RCAN3: variants seen among roughly 807,000 people sequenced by gnomAD.
RCAN3 encodes calcipressin-3.
A neutral mutation model predicts 21.9 loss-of-function variants in RCAN3; 19 were observed. The observed-to-expected ratio is 0.87, with a 90% confidence interval of 0.61 to 1.27. The LOEUF is 1.27. RCAN3 is among the 50% of genes most tolerant of loss of function. The probability of loss-of-function intolerance (pLI) is 0.00; values close to 1 mark genes in which losing one functional copy is unlikely to be tolerated. For synonymous variants in RCAN3, 114 were observed against 112.3 expected, an observed-to-expected ratio of 1.01 and a Z score of -0.09; for missense variants, 240 against 300.1, an observed-to-expected ratio of 0.80 and a Z score of 1.48.
chr1:24,505,388 C>T lies in RCAN3; in HGVS notation c.-60+2238C>T, dbSNP rs1472709583. 2.0e-5 allele frequency among the ~76,000 whole-genome samples: 3 copies of T among 151,758 alleles called. No individual in the cohort carries two copies. The East Asian group carries it at 5.8e-4, about 29-fold the overall frequency. On this transcript the variant is annotated intron_variant, in intron 1 of 4. Coordinates refer to ENST00000374395, the MANE Select transcript of RCAN3 (RefSeq NM_013441.4). The stretch of plus-strand genomic sequence containing the variant: ...CTGAGTAGCTGGGACTACAGGCGTG[C>T]ACCATGTGTTTTTTTGTAGAGACGG...
intron 1 of RCAN3, among the ~76,000 whole-genome samples, chr1:24,504,300 C>A (rs1185485691): frequency 6.6e-6 from 1 of 152,204 alleles, no homozygotes; most frequent in African/African-American, 2.4e-5. Context: ...GATCCTCCCA[C>A]CTCTCAGCGT....
rs1160199892 is a variant in RCAN3, at chr1:24,539,073, T to TAC, written c.*3800_*3801dup. The TAC allele has an allele frequency of 4.6e-5, 7 of 152,300 alleles. No individual in the cohort carries two copies. Among genetic ancestry groups the TAC allele is most frequent in the South Asian group, 2.1e-4 (1 of 4,828 alleles). 9.4% of individuals were successfully genotyped at this position (152,300 alleles called of 1,614,324 possible). A position where few individuals can be genotyped will look rare whatever the true frequency, so the allele number is the denominator to read the frequency against. On this transcript the variant is annotated 3_prime_UTR_variant, in exon 5 of 5. Coordinates refer to ENST00000374395, the MANE Select transcript of RCAN3 (RefSeq NM_013441.4). Reference sequence around the variant, plus strand: ...GAAATCATATACTCTATCCCCATGTTACACAGATTAGAAAAACTGAGGTTA... The same window carrying TAC: ...GAAATCATATACTCTATCCCCATGTTACACACAGATTAGAAAAACTGAGGTTA...
intron 4 of RCAN3, 36 bp from the exon 5 acceptor site, chr1:24,535,057 A>G (rs371725897): frequency 1.3e-6 from 2 of 1,579,988 alleles, no homozygotes; most frequent in African/African-American, 1.4e-5. Flanking sequence ...GCTGGAAGTG[A>G]TGCTTTTGTC....
Position 24,502,943 on chromosome 1 carries a change from G to A in RCAN3, c.-267G>A, listed in dbSNP as rs1185314007. The stretch of plus-strand genomic sequence containing the variant: ...CGCTCTCGCCGGCGTCGAGGGCGTG[G>A]CGGCGAGGCTGCTGCTGCAGGCGGC... On this transcript the variant is annotated 5_prime_UTR_variant, in exon 1 of 5. Transcript: ENST00000374395. 3 of 149,892 alleles carry A rather than the reference G, an allele frequency of 2.0e-5. No homozygotes were observed. Among genetic ancestry groups the A allele is most frequent in the Non-Finnish European group, 4.5e-5 (3 of 67,146 alleles). The allele number at this position is 149,892 out of a possible 1,614,324, so 9.3% of individuals were successfully genotyped here. A position where few individuals can be genotyped will look rare whatever the true frequency, so the allele number is the denominator to read the frequency against.
rs758256189 is a variant in RCAN3 at position 24,531,183 on chromosome 1, C to A, written c.196-35C>A. On this transcript the variant is annotated intron_variant, in intron 2 of 4. Transcript: ENST00000374395. ...AAGGTTTTTCTTTTTTTTTTTTCCT[C>A]CCCTTCCCTTTGCCTTGCTGCTCCT... 12 of 1,365,982 alleles carry A rather than the reference C, an allele frequency of 8.8e-6. No homozygotes were observed. The South Asian group carries it at 1.1e-4, about 13-fold the overall frequency. The allele number at this position is 1,365,982 out of a possible 1,614,324, so 84.6% of individuals were successfully genotyped here.
In RCAN3 at chr1:24,502,840, C is replaced by G. The variant is rs11249126; in HGVS notation, c.-370C>G. ...CCGCCGTGCGCGCGCCCTGCCAGAA[C>G]AGGAGGGGACGAGGCGGGCGCGCGG... On this transcript the variant is annotated 5_prime_UTR_variant, in exon 1 of 5. Coordinates refer to ENST00000374395, the MANE Select transcript of RCAN3 (RefSeq NM_013441.4). 12 of 150,510 alleles carry G rather than the reference C, an allele frequency of 8.0e-5. No individual in the cohort carries two copies. The highest frequency in any genetic ancestry group is 2.9e-4 in the African/African-American group (12 of 41,204). The allele number at this position is 150,510 out of a possible 1,614,324, so 9.3% of individuals were successfully genotyped here.
rs1019233823 is a variant in RCAN3, at chr1:24,538,391, T to G, written c.*3114T>G. On this transcript the variant is annotated 3_prime_UTR_variant, in exon 5 of 5. Coordinates refer to ENST00000374395, the MANE Select transcript of RCAN3 (RefSeq NM_013441.4). ...AAGGTTTAAATAAAATATTTTTTATTTTTTATTTTTATTTATTTATTTATT... is the reference window on the plus strand; with the variant it reads ...AAGGTTTAAATAAAATATTTTTTATGTTTTATTTTTATTTATTTATTTATT... 8 of 151,622 alleles carry G rather than the reference T, an allele frequency of 5.3e-5. No homozygotes were observed. The highest frequency in any genetic ancestry group is 1.0e-4 in the Non-Finnish European group (7 of 67,922). The allele number at this position is 151,622 out of a possible 1,614,324, so 9.4% of individuals were successfully genotyped here.
Position 24,540,133 on chromosome 1 carries a change from A to G in RCAN3, c.*4856A>G, listed in dbSNP as rs1650424667. The stretch of plus-strand genomic sequence containing the variant: ...TCAGGGGAAAATGTTAATCATTTGG[A>G]GACTGTTTTCTTATTACCAAATGTA... On this transcript the variant is annotated 3_prime_UTR_variant, in exon 5 of 5. Transcript: ENST00000374395. 1 of 152,212 alleles carries G rather than the reference A, an allele frequency of 6.6e-6. No individual in the cohort carries two copies. The highest frequency in any genetic ancestry group is 2.4e-5 in the African/African-American group (1 of 41,466). 9.4% of individuals were successfully genotyped at this position (152,212 alleles called of 1,614,324 possible).
intron 2 of RCAN3, among the ~76,000 whole-genome samples, chr1:24,528,951 C>G (rs4564082): frequency 0.069 from 10,512 of 152,194 alleles, 1,166 homozygotes; most frequent in African/African-American, 0.23. Flanking sequence ...AAAAGCAAGC[C>G]TCAAACTGTC....
chr1:24,522,459 C>T (rs182803944), intron 2 of RCAN3, among the ~76,000 whole-genome samples: 1 of 152,356 alleles, frequency 6.6e-6, no homozygotes, highest in African/African-American at 2.4e-5. Flanking sequence ...GGTGAATAAG[C>T]TCCTCTGTGT....
intron 1 of RCAN3, among the ~76,000 whole-genome samples, chr1:24,508,046 C>T (rs1025903456): frequency 3.3e-5 from 5 of 151,974 alleles, no homozygotes; most frequent in Non-Finnish European, 5.9e-5. Flanking sequence ...GCCAGTGAGC[C>T]GAGATCGCGC....
intron 2 of RCAN3, among the ~76,000 whole-genome samples, chr1:24,526,501 C>T (rs1649283666): frequency 1.3e-5 from 2 of 151,878 alleles, no homozygotes; most frequent in South Asian, 4.1e-4. Context: ...AAAAAATTAT[C>T]TTGAAGGGAA....
At chr1:24,526,462 C>T (rs1415196814) in intron 2 of RCAN3, among the ~76,000 whole-genome samples, 1 of 151,628 alleles carries the variant, frequency 6.6e-6, no homozygotes, top group Non-Finnish European at 1.5e-5. Flanking sequence ...ATGTTACATT[C>T]AGTTACAGTG....
rs1278951939 is a variant in RCAN3, at chr1:24,510,799, C to T, written c.-59-3515C>T. On this transcript the variant is annotated intron_variant, in intron 1 of 4. Transcript: ENST00000374395. Reference sequence around the variant, plus strand: ...AGACTTAGCTTTTGGCCTCTGGGGACGTATCTTCCTCAGCAGGCTTAATCA... The same window carrying T: ...AGACTTAGCTTTTGGCCTCTGGGGATGTATCTTCCTCAGCAGGCTTAATCA... 2.6e-5 allele frequency among the ~76,000 whole-genome samples: 4 copies of T among 152,300 alleles called. No individual in the cohort carries two copies. The South Asian group carries it at 6.2e-4, about 24-fold the overall frequency.
At position 24,539,534 on chromosome 1, in the gene RCAN3, T is replaced by C. The variant is rs1205912764; in HGVS notation, c.*4257T>C. Reference sequence around the variant, plus strand: ...AACTCTACTAAAGCAGAATGAGATCTAATATGTTGTGGAAATAAAAGAGTT... The same window carrying C: ...AACTCTACTAAAGCAGAATGAGATCCAATATGTTGTGGAAATAAAAGAGTT... On this transcript the variant is annotated 3_prime_UTR_variant, in exon 5 of 5. Transcript: ENST00000374395. The C allele has an allele frequency of 1.3e-5, 2 of 152,222 alleles. No homozygotes were observed. The highest frequency in any genetic ancestry group is 2.9e-5 in the Non-Finnish European group (2 of 68,028). The allele number at this position is 152,222 out of a possible 1,614,324, so 9.4% of individuals were successfully genotyped here.
At chr1:24,533,045 G>T in intron 3 of RCAN3, 38 bp from the exon 4 acceptor site, 2 of 1,348,388 alleles carry the variant, frequency 1.5e-6, no homozygotes. Flanking sequence ...AACATAGCCC[G>T]GTTTGCAAAC....
chr1:24,531,566 A>G (rs1649762255), intron 3 of RCAN3, among the ~76,000 whole-genome samples, 175 bp downstream of exon 3: 1 of 151,546 alleles, frequency 6.6e-6, no homozygotes, highest in Non-Finnish European at 1.5e-5. Flanking sequence ...AATTTCGTGT[A>G]TTTATTAAGC....
At chr1:24,503,320 G>C (rs1647224846) in intron 1 of RCAN3, among the ~76,000 whole-genome samples, 170 bp downstream of exon 1, 1 of 149,958 alleles carries the variant, frequency 6.7e-6, no homozygotes, top group Non-Finnish European at 1.5e-5. Context: ...CGCCTCCCGC[G>C]ACCTCGCCTC....
At chr1:24,506,908 C>G (rs1484105467) in intron 1 of RCAN3, among the ~76,000 whole-genome samples, 4 of 152,010 alleles carry the variant, frequency 2.6e-5, no homozygotes, top group African/African-American at 9.7e-5. Context: ...AGCCAGAGCT[C>G]CCCAACTTAC....
Sources: gnomAD v4.1 joint callset for allele counts (sites outside exome capture counted in the v4.1 genomes callset) on GRCh38, gnomAD v4.1.1 for gene constraint, MANE v1.5 for transcripts, NCBI Gene and HGNC (gene_info 2026-07-23, HGNC 2026-07-21) for gene names.